Variants in TMEM132D observed in about 807,000 individuals in gnomAD.
TMEM132D encodes the protein mature OL transmembrane protein.
In TMEM132D, 21 loss-of-function variants were observed where a neutral mutation model predicts 62.3. The observed-to-expected ratio is 0.34, with a 90% CI of 0.24 to 0.49. TMEM132D has a LOEUF of 0.49. Ranked by LOEUF, TMEM132D falls within the 20% of genes least tolerant of loss-of-function variation. TMEM132D has a pLI of 0.99. For missense variants in TMEM132D, 1,346 were observed against 1,402.8 expected (o/e 0.96, Z 0.65); for synonymous variants, 621 against 575.6 (o/e 1.08, Z -1.13).
intron 1 of TMEM132D, among the ~76,000 whole-genome samples, chr12:129,870,392 C>G (rs1874202358): frequency 1.3e-5 from 2 of 152,166 alleles, no homozygotes; most frequent in African/African-American, 4.8e-5. Flanking sequence ...TTCCACTCCC[C>G]AAACCCCTGA....
intron 5 of TMEM132D, among the ~76,000 whole-genome samples, chr12:129,145,795 AT>A (rs1312687320): frequency 6.6e-6 from 1 of 152,198 alleles, no homozygotes; most frequent in Admixed American, 6.5e-5. Flanking sequence ...TCATTAACAA[AT>A]AAAAATTGTA....
rs74569482 is a variant in TMEM132D at position 129,209,708 on chromosome 12, G to A, written c.1300-45C>T. ...CTTCCATCACATCCCCTCCTGAGAC[G>A]GCCCAGTCCCTGGGAGTATGCCGCC... On this transcript the variant is annotated intron_variant, in intron 4 of 8. Transcript: ENST00000422113. The A allele has an allele frequency of 5.4e-3, 8,664 of 1,608,622 alleles. 341 individuals carry two copies. In the East Asian group the frequency reaches 0.12, roughly 21 times the overall value.
intron 1 of TMEM132D, among the ~76,000 whole-genome samples, chr12:129,718,961 G>A (rs971223210): frequency 9.2e-5 from 14 of 151,930 alleles, no homozygotes; most frequent in Admixed American, 2.6e-4. Flanking sequence ...CATGGGCGGG[G>A]TATGGTGGCT....
At chr12:129,451,046 G>A (rs1320577567) in intron 3 of TMEM132D, among the ~76,000 whole-genome samples, 1 of 152,060 alleles carries the variant, frequency 6.6e-6, no homozygotes, top group Non-Finnish European at 1.5e-5. Context: ...ACAGGCGTGA[G>A]CCACCGCGCC....
chr12:129,102,184 C>T (rs1875331710), intron 5 of TMEM132D, among the ~76,000 whole-genome samples: 1 of 152,182 alleles, frequency 6.6e-6, no homozygotes, highest in Admixed American at 6.5e-5. Context: ...GGAAAGTAAA[C>T]GAGGCTGCAT....
chr12:129,831,216 T>C (rs946260605), intron 1 of TMEM132D, among the ~76,000 whole-genome samples: 1 of 152,122 alleles, frequency 6.6e-6, no homozygotes, highest in South Asian at 2.1e-4. Context: ...AGAAAGCTGG[T>C]TTCCCAAAAG....
intron 4 of TMEM132D, among the ~76,000 whole-genome samples, chr12:129,253,432 A>G (rs1191105516): frequency 6.6e-6 from 1 of 152,178 alleles, no homozygotes; most frequent in Non-Finnish European, 1.5e-5. Flanking sequence ...ACATGACCTC[A>G]GAAGCAAACA....
intron 4 of TMEM132D, among the ~76,000 whole-genome samples, chr12:129,216,517 T>C (rs1255624880): frequency 6.6e-6 from 1 of 152,120 alleles, no homozygotes; most frequent in Non-Finnish European, 1.5e-5. Flanking sequence ...AGCTGAGGAA[T>C]ATCAAGAATT....
chr12:129,084,377 CGGTGG>C, intron 6 of TMEM132D, 115 bp downstream of exon 6: 1 of 972,042 alleles, frequency 1.0e-6, no homozygotes, highest in Non-Finnish European at 1.5e-6. Flanking sequence ...CCAAGCTGAG[CGGTGG>C]AGGGAGGCTT....
At chr12:129,313,569 GTATA>G (rs71451305) in intron 4 of TMEM132D, among the ~76,000 whole-genome samples, 6 of 148,442 alleles carry the variant, frequency 4.0e-5, no homozygotes, top group Admixed American at 6.7e-5. Flanking sequence ...GTGTGTGTGT[GTATA>G]TATATATATA....
chr12:129,659,941 C>T (rs940414481), intron 2 of TMEM132D, among the ~76,000 whole-genome samples: 4 of 152,080 alleles, frequency 2.6e-5, no homozygotes, highest in African/African-American at 9.7e-5. Flanking sequence ...ATGGGATTAC[C>T]AGGAGGCACT....
At chr12:129,108,095 C>T (rs544911831) in intron 5 of TMEM132D, among the ~76,000 whole-genome samples, 6 of 152,220 alleles carry the variant, frequency 3.9e-5, no homozygotes, top group South Asian at 2.1e-4. Flanking sequence ...TGCCTTGATC[C>T]TTGCAAAAAA....
chr12:129,322,968 C>T (rs1265113323), intron 4 of TMEM132D, among the ~76,000 whole-genome samples: 3 of 152,224 alleles, frequency 2.0e-5, no homozygotes, highest in East Asian at 1.9e-4. Context: ...TTCATGAGGA[C>T]GAATAGGCTC....
rs1555244565 is a variant in TMEM132D, at chr12:129,285,526, C to CAAAAAAAAAAAAAAAAAAA, written c.1299+52107_1299+52108insTTTTTTTTTTTTTTTTTTT. Among the ~76,000 whole-genome samples the CAAAAAAAAAAAAAAAAAAA allele has an allele frequency of 1.1e-3, 46 of 40,946 alleles. 5 individuals carry two copies. The highest frequency in any genetic ancestry group is 3.5e-3 in the African/African-American group (46 of 13,120). 26.9% of individuals were successfully genotyped at this position (40,946 alleles called of 152,430 possible). ...TGGGTGACAGAGTGAGACTGTGTCT[C>CAAAAAAAAAAAAAAAAAAA]AAAAAAAAAAAAAAGAGAGAGAGAG... is the stretch of plus-strand genomic sequence containing the variant. On this transcript the variant is annotated intron_variant, in intron 4 of 8. Coordinates refer to ENST00000422113, the MANE Select transcript of TMEM132D (RefSeq NM_133448.3).
chr12:129,762,091 G>A (rs1222209704), intron 1 of TMEM132D, among the ~76,000 whole-genome samples: 1 of 152,082 alleles, frequency 6.6e-6, no homozygotes, highest in Admixed American at 6.5e-5. Context: ...GGGAACCTGG[G>A]GCTCCAACTG....
chr12:129,577,846 G>A (rs1401748737), intron 2 of TMEM132D, among the ~76,000 whole-genome samples: 2 of 152,062 alleles, frequency 1.3e-5, no homozygotes, highest in African/African-American at 4.8e-5. Context: ...AATCGTATGT[G>A]TCAATTTGAC....
intron 4 of TMEM132D, among the ~76,000 whole-genome samples, chr12:129,274,179 T>G (rs1283098803): frequency 6.6e-6 from 1 of 151,840 alleles, no homozygotes; most frequent in Non-Finnish European, 1.5e-5. Context: ...TGGGAGAGTC[T>G]CTGTTCCCCC....
At chr12:129,163,985 C>A (rs1021383283) in intron 5 of TMEM132D, among the ~76,000 whole-genome samples, 1 of 152,212 alleles carries the variant, frequency 6.6e-6, no homozygotes, top group Non-Finnish European at 1.5e-5. Context: ...TGTTCAAGTG[C>A]GTGACACCAA....
chr12:129,560,498 G>A (rs570648329), intron 2 of TMEM132D, among the ~76,000 whole-genome samples: 1 of 152,066 alleles, frequency 6.6e-6, no homozygotes, highest in South Asian at 2.1e-4. Flanking sequence ...TTGAACTCCT[G>A]ACCTCAAATG....
Sources: allele counts gnomAD v4.1 joint callset (sites outside exome capture counted in the v4.1 genomes callset), GRCh38; gene constraint gnomAD v4.1.1; transcripts MANE v1.5; gene names NCBI Gene and HGNC (gene_info 2026-07-23, HGNC 2026-07-21).